Variants in KLHL4 observed in about 807,000 individuals in gnomAD.
KLHL4 encodes the protein kelch like family member 4.
In KLHL4, 17 loss-of-function variants were observed where a neutral mutation model predicts 45.8. The ratio of observed to expected loss-of-function variants is 0.37; its 90% CI spans 0.25 to 0.56. The LOEUF (loss-of-function observed/expected upper bound fraction) is 0.56. Among genes scored for constraint, KLHL4 ranks in the 20% least tolerant of loss-of-function variants. KLHL4 has a pLI of 0.79. For missense variants in KLHL4, 544 were observed against 544.9 expected (o/e 1.00, Z 0.02); for synonymous variants, 224 against 189.9 (o/e 1.18, Z -1.47).
intron 4 of KLHL4, among the ~76,000 whole-genome samples, 178 bp downstream of exon 4, chrX:87,618,306 T>C (rs7057220): frequency 9.8e-5 from 11 of 112,155 alleles, no homozygotes; most frequent in African/African-American, 3.6e-4. Context: ...GAATTACAAA[T>C]GTTTAATTAA....
chrX:87,622,760 G>A (rs1315354847), intron 5 of KLHL4, among the ~76,000 whole-genome samples: 1 of 109,676 alleles, frequency 9.1e-6, no homozygotes, highest in Non-Finnish European at 1.9e-5. Context: ...TTAGTAATTA[G>A]TACAATAGCC....
intron 1 of KLHL4, among the ~76,000 whole-genome samples, chrX:87,520,260 T>C (rs1005667212): frequency 8.9e-6 from 1 of 112,453 alleles, no homozygotes; most frequent in Non-Finnish European, 1.9e-5. Flanking sequence ...CCTCTCTTCT[T>C]GAGCAATATT....
At chrX:87,590,221 G>A (rs763184028) in intron 1 of KLHL4, among the ~76,000 whole-genome samples, 68 of 110,312 alleles carry the variant, frequency 6.2e-4, no homozygotes, top group Admixed American at 2.3e-3. Flanking sequence ...TATATTGCAT[G>A]CCTGTAGCAA....
chrX:87,551,641 G>T (rs1931826578), intron 1 of KLHL4, among the ~76,000 whole-genome samples: 1 of 87,699 alleles, frequency 1.1e-5, no homozygotes, highest in Non-Finnish European at 2.2e-5. Flanking sequence ...CACACTACCT[G>T]ATTTCAAACT....
In KLHL4 at chrX:87,664,955, C is replaced by G; in HGVS notation, c.2097+20C>G. 2.0e-6 allele frequency: 2 copies of G among 1,002,767 alleles called. No homozygotes were observed. The highest frequency in any genetic ancestry group is 2.6e-4 in the Middle Eastern group (1 of 3,791). 82.6% of individuals were successfully genotyped at this position (1,002,767 alleles called of 1,213,427 possible). ...AAAGAGGTATTCGAATTAAAATATTCAAATTACTATATTTCAGGTTTTAAA... is the reference window on the plus strand; with the variant it reads ...AAAGAGGTATTCGAATTAAAATATTGAAATTACTATATTTCAGGTTTTAAA... On this transcript the variant is annotated intron_variant, in intron 10 of 10. Coordinates refer to ENST00000373119, the MANE Select transcript of KLHL4 (RefSeq NM_019117.5).
intron 1 of KLHL4, among the ~76,000 whole-genome samples, chrX:87,547,438 C>T (rs1022550993): frequency 9.0e-6 from 1 of 111,683 alleles, no homozygotes; most frequent in Non-Finnish European, 1.9e-5. Flanking sequence ...AATTAAACCT[C>T]TTTTATTCAT....
chrX:87,609,167 C>A (rs1922291808), intron 1 of KLHL4, among the ~76,000 whole-genome samples: 1 of 111,809 alleles, frequency 8.9e-6, no homozygotes, highest in Non-Finnish European at 1.9e-5. Flanking sequence ...CATTGTTGGA[C>A]ATTTGGGTTG....
chrX:87,644,450 G>C (rs1264108967), intron 9 of KLHL4, among the ~76,000 whole-genome samples: 1 of 111,461 alleles, frequency 9.0e-6, no homozygotes. Context: ...TGGATGGGTA[G>C]AATCAATATT....
Position 87,625,596 on chromosome X carries a change from T to C in KLHL4, c.1138-14T>C. ...GAACTCTCCATTCATATACCATGCATCACTACTTTTCAGTTACTGGCAGAT... is the reference window on the plus strand; with the variant it reads ...GAACTCTCCATTCATATACCATGCACCACTACTTTTCAGTTACTGGCAGAT... On this transcript the variant is annotated splice_polypyrimidine_tract_variant and intron_variant, in intron 5 of 10. Transcript: ENST00000373119. 1 of 1,176,003 alleles carries C rather than the reference T, an allele frequency of 8.5e-7. No individual in the cohort carries two copies. Among genetic ancestry groups the C allele is most frequent in the Non-Finnish European group, 1.2e-6 (1 of 869,000 alleles).
intron 1 of KLHL4, among the ~76,000 whole-genome samples, chrX:87,518,517 T>C (rs1408191689): frequency 1.8e-5 from 2 of 111,409 alleles, no homozygotes; most frequent in Non-Finnish European, 3.8e-5. Context: ...TACCGGAAAT[T>C]TGGGGGGTGG....
chrX:87,596,747 G>GT (rs1460189626), intron 1 of KLHL4, among the ~76,000 whole-genome samples: 7 of 111,735 alleles, frequency 6.3e-5, no homozygotes, highest in Admixed American at 4.8e-4. Flanking sequence ...CTTTCCATAG[G>GT]TTTTTGCAAC....
intron 6 of KLHL4, 82 bp downstream of exon 6, chrX:87,625,878 T>C: frequency 2.5e-6 from 2 of 786,231 alleles, no homozygotes; most frequent in South Asian, 6.1e-5. Context: ...ATTAAAGCCA[T>C]GTTAAATGAG....
intron 1 of KLHL4, among the ~76,000 whole-genome samples, chrX:87,528,490 G>A (rs1319178518): frequency 1.8e-5 from 2 of 109,772 alleles, no homozygotes; most frequent in African/African-American, 6.6e-5. Context: ...GCCGAGGCAG[G>A]TGGATCACGA....
intron 1 of KLHL4, among the ~76,000 whole-genome samples, chrX:87,553,578 T>C (rs765611299): frequency 9.0e-6 from 1 of 110,501 alleles, no homozygotes; most frequent in East Asian, 2.9e-4. Flanking sequence ...AATATCACTT[T>C]CTCATTAACA....
chrX:87,599,909 A>C (rs1419232044), intron 1 of KLHL4, among the ~76,000 whole-genome samples: 1 of 112,585 alleles, frequency 8.9e-6, no homozygotes, highest in Non-Finnish European at 1.9e-5. Context: ...ATTGCAATAA[A>C]GCCATTCAAT....
chrX:87,636,169 C>T (rs1445778416), intron 9 of KLHL4, among the ~76,000 whole-genome samples: 4 of 111,603 alleles, frequency 3.6e-5, no homozygotes, highest in African/African-American at 1.3e-4. Flanking sequence ...TTTAAATATT[C>T]CGTATACATT....
chrX:87,609,387 G>T (rs1479336453), intron 1 of KLHL4, among the ~76,000 whole-genome samples: 3 of 111,754 alleles, frequency 2.7e-5, no homozygotes, highest in Non-Finnish European at 5.6e-5. Context: ...CAGTGTAAAA[G>T]TGTTCCTATT....
intron 1 of KLHL4, among the ~76,000 whole-genome samples, chrX:87,558,052 C>T (rs148400212): frequency 2.0e-3 from 229 of 112,011 alleles, no homozygotes; most frequent in East Asian, 1.7e-3. Flanking sequence ...AGATCATGGG[C>T]CACTTTGGGC....
intron 1 of KLHL4, among the ~76,000 whole-genome samples, chrX:87,550,808 C>CT (rs1224479294): frequency 9.0e-6 from 1 of 111,400 alleles, no homozygotes; most frequent in East Asian, 2.8e-4. Flanking sequence ...TACAGCATCC[C>CT]TTTATGATTC....
Sources: gnomAD v4.1 joint callset for allele counts (sites outside exome capture counted in the v4.1 genomes callset) on GRCh38, gnomAD v4.1.1 for gene constraint, MANE v1.5 for transcripts, NCBI Gene and HGNC (gene_info 2026-07-23, HGNC 2026-07-21) for gene names.